The following CPEB2 variants were observed in gnomAD, a reference collection of about 807,000 sequenced individuals.
CPEB2 encodes cytoplasmic polyadenylation element binding protein 2.
CPEB2 carries 56 observed loss-of-function variants against 93.6 expected under a neutral mutation model. That is an observed-to-expected ratio of 0.60 (90% CI 0.48 to 0.75). The LOEUF is 0.75. Among genes scored for constraint, CPEB2 ranks in the 30% least tolerant of loss-of-function variants. The probability of loss-of-function intolerance (pLI) is 0.00; values close to 1 mark genes in which losing one functional copy is unlikely to be tolerated. For missense variants in CPEB2, 1,579 were observed against 1,395.1 expected (o/e 1.13, Z -2.10); for synonymous variants, 764 against 586.3 (o/e 1.30, Z -4.38).
rs1031717713 is a variant in CPEB2 at position 15,068,614 on chromosome 4, G to A, written c.*2234G>A. On this transcript the variant is annotated 3_prime_UTR_variant, in exon 12 of 12. Transcript: ENST00000538197. ...GTTAATTATTTAGATATTTAATTTC[G>A]CAGATTTTTAAACTTTATTTTCATA... is the stretch of plus-strand genomic sequence containing the variant. 3.9e-5 allele frequency: 6 copies of A among 151,978 alleles called. No homozygotes were observed. The highest frequency in any genetic ancestry group is 1.9e-4 in the East Asian group (1 of 5,164). The allele number at this position is 151,978 out of a possible 1,614,324, so 9.4% of individuals were successfully genotyped here.
chr4:15,040,820 A>G (rs1727099546), intron 6 of CPEB2, among the ~76,000 whole-genome samples: 1 of 152,160 alleles, frequency 6.6e-6, no homozygotes, highest in Non-Finnish European at 1.5e-5. Flanking sequence ...AGCATGAAGT[A>G]TGATTTTTCT....
chr4:15,003,456 C>G lies in CPEB2; in HGVS notation c.783C>G (p.Leu261=). The part of the protein sequence containing the change: ...PRQRPADLPP[L]PQLPPSPPAA... ...AGCGTCCGGCAGACCTGCCCCCGCT[C>G]CCGCAGCTCCCTCCCTCGCCGCCTG... The change falls in exon 1 of 12, where the codon CTC becomes CTG. Residue 261 remains leucine (L), a synonymous_variant. Transcript: ENST00000538197. 3.7e-6 allele frequency: 5 copies of G among 1,367,792 alleles called. No individual in the cohort carries two copies. The highest frequency in any genetic ancestry group is 2.8e-6 in the Non-Finnish European group (3 of 1,069,524). The allele number at this position is 1,367,792 out of a possible 1,614,324, so 84.7% of individuals were successfully genotyped here.
At chr4:15,011,150 A>G (rs1723427344) in intron 3 of CPEB2, among the ~76,000 whole-genome samples, 2 of 141,122 alleles carry the variant, frequency 1.4e-5, no homozygotes, top group African/African-American at 2.7e-5. Context: ...ACTCAGGCTG[A>G]AGTGCAGTGG....
At chr4:15,020,148 A>G (rs1182718248) in intron 4 of CPEB2, among the ~76,000 whole-genome samples, 2 of 152,130 alleles carry the variant, frequency 1.3e-5, no homozygotes, top group Admixed American at 6.6e-5. Context: ...AGTGAGTGAT[A>G]AAAGCTCAAA....
intron 4 of CPEB2, among the ~76,000 whole-genome samples, chr4:15,025,187 T>C (rs1417818652): frequency 1.3e-5 from 2 of 152,168 alleles, no homozygotes; most frequent in African/African-American, 2.4e-5. Context: ...ATTTTTCAAA[T>C]CTTGAGTTTT....
rs1232299376 is a variant in CPEB2 at position 15,002,956 on chromosome 4, G to A, written c.283G>A (p.Asp95Asn). The A allele has an allele frequency of 2.6e-6, 4 of 1,515,084 alleles. No homozygotes were observed. The East Asian group carries it at 7.4e-5, about 28-fold the overall frequency. The allele number at this position is 1,515,084 out of a possible 1,614,324, so 93.9% of individuals were successfully genotyped here. Residue 95 changes from aspartate to asparagine, a missense_variant, in exon 1 of 12, where the codon GAT becomes AAT. Asp to Asn is a conservative substitution (Grantham distance 23, BLOSUM62 1). Around this residue, in one of 2 missense-constraint regions of CPEB2, gnomAD observed 1,411 missense variants for 1,056.0 expected, o/e 1.34. Transcript: ENST00000538197. ...CCTGGCGCATCAGCAGACCATGCAG[G>A]ATGAGCTGCTTCTGGGGCTGACACA... ...PFLAHQQTMQDELLLGLTQQP... is the reference protein window; with the variant it reads ...PFLAHQQTMQNELLLGLTQQP...
chr4:15,011,101 C>CTTTTTTTTT (rs201436379), intron 3 of CPEB2, among the ~76,000 whole-genome samples: 5 of 125,766 alleles, frequency 4.0e-5, no homozygotes, highest in African/African-American at 8.8e-5. Context: ...AATTTCTTTT[C>CTTTTTTTTT]TTTTTTTTTT....
rs561057241 is a variant in CPEB2, at chr4:15,012,797, A to G, written c.2034+4370A>G. On this transcript the variant is annotated intron_variant, in intron 3 of 11. Coordinates refer to ENST00000538197, the MANE Select transcript of CPEB2 (RefSeq NM_001177382.2). ...TAAGCAGAATAATACATGTTCAAGC[A>G]TCTGCTAAATCATTAAATATAAGAA... Among the ~76,000 whole-genome samples the G allele has an allele frequency of 1.6e-3, 238 of 152,298 alleles. 3 individuals carry two copies. The highest frequency in any genetic ancestry group is 5.7e-4 in the Non-Finnish European group (39 of 67,958).
chr4:15,010,777 G>A (rs905132393), intron 3 of CPEB2, among the ~76,000 whole-genome samples: 1 of 152,056 alleles, frequency 6.6e-6, no homozygotes, highest in Admixed American at 6.5e-5. Flanking sequence ...ATTTCCTTTA[G>A]TCTCAAACTG....
At chr4:15,022,013 C>T (rs1427135338) in intron 4 of CPEB2, among the ~76,000 whole-genome samples, 1 of 152,006 alleles carries the variant, frequency 6.6e-6, no homozygotes, top group African/African-American at 2.4e-5. Flanking sequence ...ATTACAATAC[C>T]AAGTCACAAA....
chr4:15,012,465 A>G (rs111295362), intron 3 of CPEB2, among the ~76,000 whole-genome samples: 3 of 152,306 alleles, frequency 2.0e-5, no homozygotes, highest in Middle Eastern at 6.8e-3. Context: ...CCCTTAGAAT[A>G]TATGGATAAA....
At chr4:15,005,574 C>T (rs1036880047) in intron 1 of CPEB2, among the ~76,000 whole-genome samples, 1 of 152,154 alleles carries the variant, frequency 6.6e-6, no homozygotes. Flanking sequence ...AGTCCATTTT[C>T]TATTTTCGTG....
At position 15,040,473 on chromosome 4, in the gene CPEB2, A is replaced by G; in HGVS notation, c.2186A>G (p.Tyr729Cys). ...DNLLMLNARS[Y>C]GRRRGRSSLF... ...CTTTGTTTACATGCAGCAAGGAGTT[A>G]TGGGCGAAGACGAGGTAATTCATTT... The change falls in exon 6 of 12, where the codon TAT becomes TGT. Residue 729 changes from tyrosine to cysteine, a missense_variant. Around this residue, in one of 2 missense-constraint regions of CPEB2, gnomAD observed 1,411 missense variants for 1,056.0 expected, o/e 1.34. Transcript: ENST00000538197. The G allele has an allele frequency of 6.5e-7, 1 of 1,536,590 alleles. No homozygotes were observed.
chr4:15,055,204 T>C (rs1415229101), intron 8 of CPEB2, among the ~76,000 whole-genome samples: 3 of 152,120 alleles, frequency 2.0e-5, no homozygotes, highest in Non-Finnish European at 4.4e-5. Flanking sequence ...AGTAATGCAA[T>C]GTTTTTTTAA....
intron 11 of CPEB2, 41 bp downstream of exon 11, chr4:15,062,301 G>A (rs1729263599): frequency 2.0e-6 from 3 of 1,490,540 alleles, no homozygotes; most frequent in Non-Finnish European, 2.7e-6. Context: ...CCTATAATAA[G>A]GTGCTGATCC....
Position 15,003,357 on chromosome 4 carries a change from G to C in CPEB2, c.684G>C (p.Gln228His). 7.2e-7 allele frequency: 1 copy of C among 1,388,466 alleles called. No homozygotes were observed. Among genetic ancestry groups the C allele is most frequent in the Non-Finnish European group, 9.2e-7 (1 of 1,084,102 alleles). 86.0% of individuals were successfully genotyped at this position (1,388,466 alleles called of 1,614,324 possible). ...LLQPAQLAQRQQQQPPQQFSL... is the reference protein window; with the variant it reads ...LLQPAQLAQRHQQQPPQQFSL... ...AGCCGGCGCAGCTCGCTCAGCGCCA[G>C]CAGCAACAGCCGCCGCAGCAGTTCA... is the stretch of plus-strand genomic sequence containing the variant. The change falls in exon 1 of 12, where the codon CAG (glutamine) becomes CAC (histidine). Residue 228 changes from glutamine to histidine, a missense_variant. Physicochemically the swap from Gln to His is conservative, Grantham distance 24 (BLOSUM62 0). This residue lies in a region of CPEB2 where 1,411 missense variants were observed against 1,056.0 expected (regional missense o/e 1.34). Transcript: ENST00000538197.
Position 15,007,498 on chromosome 4 carries a change from G to A in CPEB2, c.1856G>A (p.Arg619His), listed in dbSNP as rs145532463. The A allele has an allele frequency of 1.4e-4, 224 of 1,613,816 alleles. No individual in the cohort carries two copies. The highest frequency in any genetic ancestry group is 1.6e-4 in the Middle Eastern group (1 of 6,084). Residue 619 changes from arginine (R) to histidine (H), a missense_variant, in exon 2 of 12, where the codon CGC becomes CAC. Physicochemically the swap from Arg to His is conservative, Grantham distance 29 (BLOSUM62 0). This residue lies in a region of CPEB2 where 1,411 missense variants were observed against 1,056.0 expected (regional missense o/e 1.34). Transcript: ENST00000538197. ...GTCATAGCACCACCGAAATTTACTC[G>A]CTCAACTCCATCACTGACTCCAAAA... is the stretch of plus-strand genomic sequence containing the variant. ...GNVIAPPKFTRSTPSLTPKSW... is the reference protein window; with the variant it reads ...GNVIAPPKFTHSTPSLTPKSW...
chr4:15,058,361 G>A (rs1243561969), intron 8 of CPEB2, 60 bp from the exon 9 acceptor site: 1 of 895,248 alleles, frequency 1.1e-6, no homozygotes, highest in East Asian at 2.5e-5. Flanking sequence ...AAATAGTACT[G>A]AAATTTGGAG....
At chr4:15,056,544 T>G (rs1728730715) in intron 8 of CPEB2, among the ~76,000 whole-genome samples, 1 of 152,222 alleles carries the variant, frequency 6.6e-6, no homozygotes. Flanking sequence ...AATCATAGTT[T>G]TTTTGGTACA....
Sources: gnomAD v4.1 joint callset for allele counts (sites outside exome capture counted in the v4.1 genomes callset) on GRCh38, gnomAD v4.1.1 for gene constraint, gnomAD v4.1.1 regional missense constraint, MANE v1.5 for transcripts, NCBI Gene and HGNC (gene_info 2026-07-23, HGNC 2026-07-21) for gene names.